Variants in GREB1L observed in about 807,000 individuals in gnomAD.
GREB1L encodes the protein GREB1 like retinoic acid receptor coactivator, also known as GREB1-like protein.
A neutral mutation model predicts 200.8 loss-of-function variants in GREB1L; 17 were observed. That is an observed-to-expected ratio of 0.08 (90% CI 0.06 to 0.13). GREB1L has a LOEUF of 0.13. GREB1L is among the 10% of genes least tolerant of loss of function. The probability of loss-of-function intolerance (pLI) is 1.00; values close to 1 mark genes in which losing one functional copy is unlikely to be tolerated. For missense variants in GREB1L, 1,657 were observed against 2,367.7 expected, an observed-to-expected ratio of 0.70 and a Z score of 6.23; for synonymous variants, 789 against 893.0, an observed-to-expected ratio of 0.88 and a Z score of 2.08.
At chr18:21,361,149 G>A (rs750391998) in intron 1 of GREB1L, among the ~76,000 whole-genome samples, 1 of 152,172 alleles carries the variant, frequency 6.6e-6, no homozygotes, top group African/African-American at 2.4e-5. Flanking sequence ...ACTGGCTAAT[G>A]TGGTCCAAAA....
At chr18:21,358,408 T>C (rs1652022740) in intron 1 of GREB1L, among the ~76,000 whole-genome samples, 2 of 152,272 alleles carry the variant, frequency 1.3e-5, no homozygotes, top group South Asian at 2.1e-4. Context: ...CTCCGCCTCC[T>C]GGGTTCAAGC....
At chr18:21,413,987 C>G (rs1473200576) in intron 7 of GREB1L, among the ~76,000 whole-genome samples, 2 of 152,132 alleles carry the variant, frequency 1.3e-5, no homozygotes. Context: ...GTGGTGTGAC[C>G]TTTTAAGAAA....
At chr18:21,513,759 G>T in intron 27 of GREB1L, 62 bp from the exon 28 acceptor site, 1 of 1,460,594 alleles carries the variant, frequency 6.8e-7, no homozygotes, top group Non-Finnish European at 9.3e-7. Context: ...TGCCTGTGGG[G>T]CTTCAGCCAA....
chr18:21,517,169 C>A (rs1170913688), intron 30 of GREB1L, among the ~76,000 whole-genome samples: 1 of 152,174 alleles, frequency 6.6e-6, no homozygotes, highest in Non-Finnish European at 1.5e-5. Flanking sequence ...CCACCGCATC[C>A]GGCCATTAGG....
chr18:21,438,220 C>T (rs1303950321), intron 7 of GREB1L, among the ~76,000 whole-genome samples: 1 of 152,092 alleles, frequency 6.6e-6, no homozygotes, highest in Non-Finnish European at 1.5e-5. Context: ...CTGCAGCGAG[C>T]TGTGATTGCA....
At chr18:21,447,927 G>T (rs958644393) in intron 11 of GREB1L, among the ~76,000 whole-genome samples, 5 of 152,204 alleles carry the variant, frequency 3.3e-5, no homozygotes, top group African/African-American at 1.2e-4. Context: ...ACTTTGGGAG[G>T]CTGAATAGGG....
chr18:21,261,100 T>C (rs952950611), intron 1 of GREB1L, among the ~76,000 whole-genome samples: 1 of 152,014 alleles, frequency 6.6e-6, no homozygotes, highest in African/African-American at 2.4e-5. Context: ...TGAAAAAGCT[T>C]GCTAACATTA....
intron 1 of GREB1L, among the ~76,000 whole-genome samples, chr18:21,340,337 G>A (rs1051684579): frequency 6.6e-5 from 10 of 151,758 alleles, no homozygotes; most frequent in Non-Finnish European, 1.3e-4. Context: ...GGGGAATGGC[G>A]TGAACCCTGG....
At chr18:21,360,344 A>G (rs1360608767) in intron 1 of GREB1L, among the ~76,000 whole-genome samples, 1 of 151,702 alleles carries the variant, frequency 6.6e-6, no homozygotes, top group Non-Finnish European at 1.5e-5. Context: ...TCAGCCTCCT[A>G]AGTAGCTGGG....
At chr18:21,349,612 G>A (rs560670830) in intron 1 of GREB1L, among the ~76,000 whole-genome samples, 19 of 152,136 alleles carry the variant, frequency 1.2e-4, no homozygotes, top group Admixed American at 5.9e-4. Flanking sequence ...GATCAGTGGC[G>A]GCATTAGATT....
chr18:21,508,030 C>A, intron 25 of GREB1L, 88 bp from the exon 26 acceptor site: 1 of 1,266,548 alleles, frequency 7.9e-7, no homozygotes, highest in Non-Finnish European at 1.1e-6. Context: ...TAGTTTCCAT[C>A]TCTTAATAAC....
chr18:21,364,852 A>G (rs1293213417), intron 1 of GREB1L, among the ~76,000 whole-genome samples: 1 of 150,324 alleles, frequency 6.7e-6, no homozygotes, highest in Admixed American at 6.6e-5. Context: ...TTTTTTTTTT[A>G]ATCATTAGGG....
intron 27 of GREB1L, 92 bp from the exon 28 acceptor site, chr18:21,513,729 T>C: frequency 8.3e-7 from 1 of 1,203,250 alleles, no homozygotes; most frequent in Non-Finnish European, 1.2e-6. Flanking sequence ...TGAACAGGCA[T>C]TCTGTGGAGA....
At position 21,454,549 on chromosome 18, in the gene GREB1L, G is replaced by A. The variant is rs754346764; in HGVS notation, c.2168G>A (p.Arg723Gln). The A allele has an allele frequency of 2.6e-5, 41 of 1,551,102 alleles. No homozygotes were observed. The highest frequency in any genetic ancestry group is 5.9e-5 in the Admixed American group (3 of 50,966). The change falls in exon 15 of 33, where the codon CGG (arginine) becomes CAG (glutamine). Residue 723 changes from arginine to glutamine, a missense_variant. Physicochemically the swap from Arg to Gln is conservative, Grantham distance 43 (BLOSUM62 1). Coordinates refer to ENST00000424526, the MANE Select transcript of GREB1L (RefSeq NM_001142966.3). The part of the protein sequence containing the change: ...SEVLVQQTLQ[R>Q]IRQSGVLVDL... ...GTGTTGGTTCAGCAAACTCTTCAGCGGATTCGACAATCAGGTAAGAGTGAA... is the reference window on the plus strand; with the variant it reads ...GTGTTGGTTCAGCAAACTCTTCAGCAGATTCGACAATCAGGTAAGAGTGAA...
intron 1 of GREB1L, among the ~76,000 whole-genome samples, chr18:21,268,534 CA>C (rs2038014977): frequency 2.3e-5 from 2 of 86,956 alleles, no homozygotes; most frequent in South Asian, 7.7e-4. Context: ...CACACACACA[CA>C]CACACACACA....
chr18:21,480,746 A>G (rs1420288629), intron 17 of GREB1L, among the ~76,000 whole-genome samples: 1 of 152,202 alleles, frequency 6.6e-6, no homozygotes, highest in Admixed American at 6.5e-5. Context: ...TAGGCCAAGC[A>G]CAGTGGCTCA....
At chr18:21,295,805 C>T (rs893067438) in intron 1 of GREB1L, among the ~76,000 whole-genome samples, 32 of 152,172 alleles carry the variant, frequency 2.1e-4, no homozygotes, top group African/African-American at 6.8e-4. Flanking sequence ...GGGACAAAGG[C>T]ACAGGGTAGA....
rs1001036526 is a variant in GREB1L at position 21,500,470 on chromosome 18, ATCTCTTT to A, written c.3970-59_3970-53del. 11 of 1,180,782 alleles carry A rather than the reference ATCTCTTT, an allele frequency of 9.3e-6. No homozygotes were observed. The African/African-American group carries it at 1.5e-4, about 16-fold the overall frequency. 73.1% of individuals were successfully genotyped at this position (1,180,782 alleles called of 1,614,324 possible). On this transcript the variant is annotated intron_variant, in intron 22 of 32. Coordinates refer to ENST00000424526, the MANE Select transcript of GREB1L (RefSeq NM_001142966.3). Reference sequence around the variant, plus strand: ...AGACACTGCAGAGCCAAGGTGTGAAATCTCTTTTCTCTTTTCTTCCCCTCTCTTTCCC... The same window carrying A: ...AGACACTGCAGAGCCAAGGTGTGAAATCTCTTTTCTTCCCCTCTCTTTCCC...
chr18:21,289,492 A>T (rs1176107027), intron 1 of GREB1L, among the ~76,000 whole-genome samples: 2 of 152,062 alleles, frequency 1.3e-5, no homozygotes, highest in African/African-American at 4.8e-5. Flanking sequence ...TCAGTGAGCT[A>T]TAATCATGCC....
Sources: allele counts gnomAD v4.1 joint callset (sites outside exome capture counted in the v4.1 genomes callset), GRCh38; gene constraint gnomAD v4.1.1; transcripts MANE v1.5; gene names NCBI Gene and HGNC (gene_info 2026-07-23, HGNC 2026-07-21).